MAPK6: variants seen among roughly 807,000 people sequenced by gnomAD.
MAPK6 encodes mitogen-activated protein kinase 6.
A neutral mutation model predicts 59.3 loss-of-function variants in MAPK6; 19 were observed. The ratio of observed to expected loss-of-function variants is 0.32; its 90% CI spans 0.22 to 0.47. MAPK6 has a LOEUF of 0.47. Among genes scored for constraint, MAPK6 ranks in the 20% least tolerant of loss-of-function variants. The probability of loss-of-function intolerance (pLI) is 1.00; values close to 1 mark genes in which losing one functional copy is unlikely to be tolerated. For missense variants in MAPK6, 724 were observed against 847.9 expected, an observed-to-expected ratio of 0.85 and a Z score of 1.81; for synonymous variants, 316 against 290.3, an observed-to-expected ratio of 1.09 and a Z score of -0.90.
At chr15:52,058,570 A>G in intron 3 of MAPK6, 63 bp from the exon 4 acceptor site, 1 of 1,338,872 alleles carries the variant, frequency 7.5e-7, no homozygotes, top group South Asian at 1.5e-5. Context: ...TTAGTTTAGT[A>G]TGTTTATTGT....
chr15:51,978,759 A>G (rs2057164436), intron 1 of MAPK6, among the ~76,000 whole-genome samples: 1 of 151,946 alleles, frequency 6.6e-6, no homozygotes, highest in South Asian at 2.1e-4. Flanking sequence ...GACTAGAACT[A>G]ACTTATTCCA....
chr15:52,021,906 G>C (rs1031226115), intron 1 of MAPK6, among the ~76,000 whole-genome samples: 1 of 152,024 alleles, frequency 6.6e-6, no homozygotes, highest in Non-Finnish European at 1.5e-5. Flanking sequence ...AAGATAAGCT[G>C]AATGTACAGT....
intron 1 of MAPK6, chr15:52,042,877 G>A (rs1208052681): frequency 2.6e-5 from 4 of 152,208 alleles, no homozygotes; most frequent in African/African-American, 9.6e-5. Context: ...GACTAGAGAT[G>A]TAAAATTTAG....
At chr15:52,042,332 C>T (rs886826788) in intron 1 of MAPK6, among the ~76,000 whole-genome samples, 3 of 152,178 alleles carry the variant, frequency 2.0e-5, no homozygotes, top group Non-Finnish European at 2.9e-5. Context: ...ATAAATACTA[C>T]CTTCTCTTGT....
At chr15:51,985,290 CCACAATCA>C (rs1450942620) in intron 2 of MAPK6, among the ~76,000 whole-genome samples, 3 of 151,746 alleles carry the variant, frequency 2.0e-5, no homozygotes, top group Non-Finnish European at 2.9e-5. Context: ...CTACCATGAG[CCACAATCA>C]CACAACTGCA....
intron 1 of MAPK6, among the ~76,000 whole-genome samples, chr15:51,981,925 A>C (rs931829742): frequency 6.6e-6 from 1 of 152,226 alleles, no homozygotes; most frequent in South Asian, 2.1e-4. Flanking sequence ...AAATAGATTA[A>C]GAATACAAAG....
At chr15:51,995,694 G>A (rs569233785) in intron 2 of MAPK6, among the ~76,000 whole-genome samples, 8 of 152,272 alleles carry the variant, frequency 5.3e-5, no homozygotes, top group South Asian at 2.1e-4. Context: ...GTGGGAGGCC[G>A]AGGTGAGTGG....
At chr15:52,023,106 C>A (rs1260168162) in intron 1 of MAPK6, among the ~76,000 whole-genome samples, 197 of 73,622 alleles carry the variant, frequency 2.7e-3, no homozygotes, top group East Asian at 5.3e-3. Context: ...GACTCCGTCT[C>A]AAAAAAAAAA....
intron 3 of MAPK6, chr15:52,057,019 A>C (rs79344490): frequency 0.011 from 1,657 of 152,120 alleles, 21 homozygotes; most frequent in Non-Finnish European, 0.019. Context: ...GCAAACCAGT[A>C]CCTCCATTTT....
At chr15:51,992,305 A>ATATATAT (rs572519819) in intron 2 of MAPK6, among the ~76,000 whole-genome samples, 18 of 101,448 alleles carry the variant, frequency 1.8e-4, no homozygotes, top group African/African-American at 6.7e-4. Flanking sequence ...ATATATATAT[A>ATATATAT]TTTTTTTTTT....
intron 2 of MAPK6, among the ~76,000 whole-genome samples, chr15:51,992,476 C>G (rs1316360024): frequency 2.0e-5 from 3 of 151,426 alleles, no homozygotes; most frequent in African/African-American, 4.8e-5. Context: ...TAATTTTTTG[C>G]ATTTTTTTTA....
intron 1 of MAPK6, among the ~76,000 whole-genome samples, chr15:51,972,820 A>T (rs902778978): frequency 1.1e-4 from 17 of 151,138 alleles, no homozygotes; most frequent in Non-Finnish European, 2.2e-4. Context: ...CATCTCAAAA[A>T]AATAATAATA....
At chr15:52,054,579 A>AGT (rs1799821337) in intron 3 of MAPK6, among the ~76,000 whole-genome samples, 1 of 152,144 alleles carries the variant, frequency 6.6e-6, no homozygotes, top group Non-Finnish European at 1.5e-5. Context: ...ATGTGTTAGA[A>AGT]GTGAGTCACT....
At chr15:52,026,452 C>T (rs1566903473) in intron 1 of MAPK6, among the ~76,000 whole-genome samples, 1 of 152,118 alleles carries the variant, frequency 6.6e-6, no homozygotes, top group Non-Finnish European at 1.5e-5. Context: ...CCACCACGCC[C>T]AGCTAATTTT....
chr15:52,027,449 T>A (rs944640833), intron 1 of MAPK6, among the ~76,000 whole-genome samples: 2 of 150,758 alleles, frequency 1.3e-5, no homozygotes, highest in Non-Finnish European at 3.0e-5. Flanking sequence ...TATAGCCCTC[T>A]GTAATTGAGT....
rs71130116 is a variant in MAPK6, at chr15:52,013,020, AAT to A, written c.-632+8657_-632+8658del. 4.8e-3 allele frequency among the ~76,000 whole-genome samples: 92 copies of A among 19,118 alleles called. 1 individual carries two copies. Among genetic ancestry groups the A allele is most frequent in the East Asian group, 0.037 (9 of 242 alleles). The allele number at this position is 19,118 out of a possible 152,430, so 12.5% of individuals were successfully genotyped here. ...AAAAAAAAAAAAAAAAAAAAAAAAA[AAT>A]ATATATATATATATATATATATATA... On this transcript the variant is annotated intron_variant, in intron 3 of 7. Coordinates refer to the MAPK6 transcript ENST00000691380.
intron 1 of MAPK6, among the ~76,000 whole-genome samples, chr15:51,976,063 A>G (rs913479657): frequency 6.6e-6 from 1 of 151,676 alleles, no homozygotes; most frequent in Non-Finnish European, 1.5e-5. Flanking sequence ...TCAGGAAAGC[A>G]AGACCATCCT....
Position 51,982,115 on chromosome 15 carries a change from A to G in MAPK6, c.-879-1091A>G, listed in dbSNP as rs74013631. Among the ~76,000 whole-genome samples the G allele has an allele frequency of 3.4e-3, 517 of 152,286 alleles. 4 individuals carry two copies. Among genetic ancestry groups the G allele is most frequent in the African/African-American group, 0.012 (490 of 41,574 alleles). On this transcript the variant is annotated intron_variant, in intron 1 of 7. Transcript: ENST00000691380. Reference sequence around the variant, plus strand: ...GCCAACCAAAATTTTACAAATAGAAAGGAACCACTAAAACAGATCCGGCTC... The same window carrying G: ...GCCAACCAAAATTTTACAAATAGAAGGGAACCACTAAAACAGATCCGGCTC...
chr15:52,065,064 A>G lies in MAPK6; in HGVS notation c.*64A>G. 1.4e-6 allele frequency: 2 copies of G among 1,423,792 alleles called. No individual in the cohort carries two copies. The highest frequency in any genetic ancestry group is 1.9e-6 in the Non-Finnish European group (2 of 1,063,852). The allele number at this position is 1,423,792 out of a possible 1,614,324, so 88.2% of individuals were successfully genotyped here. On this transcript the variant is annotated 3_prime_UTR_variant, in exon 6 of 6. Coordinates refer to ENST00000261845, the MANE Select transcript of MAPK6 (RefSeq NM_002748.4). ...ATGTGTTTTGTCTTTTTTTATTACT[A>G]GTGTTTAAGTCATTTTTTACTTGAA...
Sources: allele counts gnomAD v4.1 joint callset (sites outside exome capture counted in the v4.1 genomes callset), GRCh38; gene constraint gnomAD v4.1.1; transcripts MANE v1.5; gene names NCBI Gene and HGNC (gene_info 2026-07-23, HGNC 2026-07-21).